PLBD1: variants seen among roughly 807,000 people sequenced by gnomAD.
PLBD1 encodes lysosomal leucine aminopeptidase.
In PLBD1, 60 loss-of-function variants were observed where a neutral mutation model predicts 63.0. The observed-to-expected ratio is 0.95, with a 90% CI of 0.77 to 1.18. PLBD1 has a LOEUF of 1.18. Ranked by LOEUF, PLBD1 falls within the 50% of genes most tolerant of loss-of-function variation. The pLI, the probability that PLBD1 is intolerant of heterozygous loss-of-function variation, is 0.00. For missense variants in PLBD1, 598 were observed against 677.9 expected (o/e 0.88, Z 1.31); for synonymous variants, 262 against 248.0 (o/e 1.06, Z -0.53).
intron 4 of PLBD1, among the ~76,000 whole-genome samples, chr12:14,537,074 G>A (rs1945524475): frequency 1.4e-5 from 2 of 143,740 alleles, no homozygotes; most frequent in Admixed American, 1.4e-4. Flanking sequence ...GGGCAACAGA[G>A]CGAGACCGCA....
chr12:14,543,119 CT>C (rs1156859990), intron 2 of PLBD1, among the ~76,000 whole-genome samples: 1 of 152,044 alleles, frequency 6.6e-6, no homozygotes, highest in Non-Finnish European at 1.5e-5. Context: ...TCTCTATAAT[CT>C]TTTCTGTTTT....
intron 9 of PLBD1, among the ~76,000 whole-genome samples, chr12:14,506,676 C>T (rs773067670): frequency 2.6e-5 from 4 of 151,372 alleles, no homozygotes; most frequent in African/African-American, 4.9e-5. Context: ...TTAAAGGACC[C>T]TCTATGAGTT....
intron 6 of PLBD1, among the ~76,000 whole-genome samples, chr12:14,515,934 A>C (rs1199769832): frequency 1.3e-5 from 2 of 149,810 alleles, no homozygotes; most frequent in Admixed American, 6.7e-5. Flanking sequence ...GTGTAGTCCC[A>C]GCTACTTGGG....
At chr12:14,543,075 T>G (rs1945588718) in intron 2 of PLBD1, among the ~76,000 whole-genome samples, 1 of 20,238 alleles carries the variant, frequency 4.9e-5, no homozygotes, top group African/African-American at 5.8e-5. Context: ...AATAATCCAC[T>G]TATATTACTG....
chr12:14,525,279 T>A (rs1266113953), intron 6 of PLBD1, among the ~76,000 whole-genome samples: 1 of 151,118 alleles, frequency 6.6e-6, no homozygotes, highest in African/African-American at 2.4e-5. Context: ...AATAAATAAA[T>A]AAAATAAAAT....
chr12:14,563,664 G>A (rs1271875178), intron 1 of PLBD1, among the ~76,000 whole-genome samples: 1 of 152,228 alleles, frequency 6.6e-6, no homozygotes, highest in Non-Finnish European at 1.5e-5. Flanking sequence ...GTCAGGCACA[G>A]TGTTTCTCAC....
Position 14,503,668 on chromosome 12 carries a change from G to T in PLBD1, c.*104C>A. ...AACAAAGTCAGTGGGAAATGAAAGT[G>T]ACAAATTAATATATTTTATTGCATA... On this transcript the variant is annotated 3_prime_UTR_variant, in exon 11 of 11. Coordinates refer to ENST00000240617, the MANE Select transcript of PLBD1 (RefSeq NM_024829.6). 8.7e-7 allele frequency: 1 copy of T among 1,156,024 alleles called. No homozygotes were observed. Among genetic ancestry groups the T allele is most frequent in the Non-Finnish European group, 1.2e-6 (1 of 813,690 alleles). The allele number at this position is 1,156,024 out of a possible 1,614,324, so 71.6% of individuals were successfully genotyped here.
At chr12:14,551,559 T>C (rs1945659835) in intron 2 of PLBD1, among the ~76,000 whole-genome samples, 1 of 152,206 alleles carries the variant, frequency 6.6e-6, no homozygotes, top group African/African-American at 2.4e-5. Context: ...CTTATTTTTT[T>C]CTGAGACATA....
At chr12:14,541,966 C>T (rs908482230) in intron 3 of PLBD1, among the ~76,000 whole-genome samples, 5 of 152,112 alleles carry the variant, frequency 3.3e-5, no homozygotes, top group African/African-American at 1.2e-4. Context: ...TTCCTCTAAC[C>T]GTGTTAGCAA....
rs116683906 is a variant in PLBD1 at position 14,524,631 on chromosome 12, C to T, written c.844+11028G>A. Among the ~76,000 whole-genome samples the T allele has an allele frequency of 6.8e-3, 1,034 of 152,102 alleles. 12 individuals carry two copies. Among genetic ancestry groups the T allele is most frequent in the African/African-American group, 0.023 (959 of 41,490 alleles). On this transcript the variant is annotated intron_variant, in intron 6 of 10. Transcript: ENST00000240617. ...GCCATAAGGAACTGATAAATGTTTG[C>T]GGTGAAGAATATACTAAATATGTAT...
At chr12:14,536,293 C>T (rs1484921158) in intron 5 of PLBD1, among the ~76,000 whole-genome samples, 4 of 152,092 alleles carry the variant, frequency 2.6e-5, no homozygotes, top group South Asian at 4.1e-4. Context: ...AGTGAGACTC[C>T]GGCTCAAAAA....
chr12:14,564,459 C>T (rs748949445), intron 1 of PLBD1, among the ~76,000 whole-genome samples: 3 of 152,196 alleles, frequency 2.0e-5, no homozygotes, highest in South Asian at 2.1e-4. Context: ...GGCACTCTCT[C>T]GGCTGACTCA....
intron 1 of PLBD1, 53 bp downstream of exon 1, chr12:14,567,529 A>G (rs1945801194): frequency 2.8e-6 from 4 of 1,431,196 alleles, no homozygotes; most frequent in Non-Finnish European, 3.6e-6. Flanking sequence ...GGGCGCTAAC[A>G]GGCTCCTAGG....
chr12:14,545,286 A>T (rs998994550), intron 2 of PLBD1, among the ~76,000 whole-genome samples: 1 of 152,232 alleles, frequency 6.6e-6, no homozygotes, highest in Non-Finnish European at 1.5e-5. Context: ...AGTTAAAAGC[A>T]TCTGGCTCCC....
At chr12:14,557,290 C>T (rs1226711815) in intron 1 of PLBD1, among the ~76,000 whole-genome samples, 1 of 152,090 alleles carries the variant, frequency 6.6e-6, no homozygotes, top group Non-Finnish European at 1.5e-5. Flanking sequence ...TACCATTCAA[C>T]CCAGTAATCC....
chr12:14,525,963 G>A (rs1038264058), intron 6 of PLBD1, among the ~76,000 whole-genome samples: 1 of 150,854 alleles, frequency 6.6e-6, no homozygotes, highest in Non-Finnish European at 1.5e-5. Flanking sequence ...AAGCCCCAGG[G>A]ACAACAATTT....
intron 6 of PLBD1, among the ~76,000 whole-genome samples, chr12:14,513,780 GT>G (rs1237327068): frequency 1.3e-3 from 187 of 140,380 alleles, no homozygotes; most frequent in Middle Eastern, 0.011. Flanking sequence ...CTAACTCTTA[GT>G]TTTTTTTTTT....
rs1452815059 is a variant in PLBD1 at position 14,567,796 on chromosome 12, G to A, written c.-100C>T. ...GGCTCCTGGCCTACTCAGGGGCGCC[G>A]CCTCTCCGAGGTGGGGCGTCCTCAA... On this transcript the variant is annotated 5_prime_UTR_variant, in exon 1 of 11. Transcript: ENST00000240617. The A allele has an allele frequency of 1.5e-6, 2 of 1,329,574 alleles. No individual in the cohort carries two copies. The highest frequency in any genetic ancestry group is 3.1e-5 in the East Asian group (1 of 31,872). 82.4% of individuals were successfully genotyped at this position (1,329,574 alleles called of 1,614,324 possible).
intron 2 of PLBD1, among the ~76,000 whole-genome samples, chr12:14,544,797 T>C (rs1945604366): frequency 6.6e-6 from 1 of 152,198 alleles, no homozygotes; most frequent in Admixed American, 6.5e-5. Flanking sequence ...CTTTAAAAAA[T>C]CATCTTCTTA....
Sources: allele counts gnomAD v4.1 joint callset (sites outside exome capture counted in the v4.1 genomes callset), GRCh38; gene constraint gnomAD v4.1.1; transcripts MANE v1.5; gene names NCBI Gene and HGNC (gene_info 2026-07-23, HGNC 2026-07-21).